The following GTF3C1 variants were observed in gnomAD, a reference collection of about 807,000 sequenced individuals.
GTF3C1 encodes the protein general transcription factor IIIC subunit 1.
GTF3C1 carries 57 observed loss-of-function variants against 226.7 expected under a neutral mutation model. That is an observed-to-expected ratio of 0.25 (90% CI 0.20 to 0.31). The LOEUF (loss-of-function observed/expected upper bound fraction) is 0.31, where lower values mean the gene tolerates loss of function less well. Ranked by LOEUF, GTF3C1 falls within the 10% of genes least tolerant of loss-of-function variation. The pLI is 1.00. For missense variants in GTF3C1, 2,217 were observed against 2,776.1 expected, an observed-to-expected ratio of 0.80 and a Z score of 4.53; for synonymous variants, 1,090 against 1,084.8, an observed-to-expected ratio of 1.00 and a Z score of -0.09.
intron 19 of GTF3C1, among the ~76,000 whole-genome samples, chr16:27,490,525 A>G (rs888695308): frequency 1.2e-4 from 18 of 152,022 alleles, no homozygotes; most frequent in Admixed American, 3.3e-4. Flanking sequence ...CTTGGCCCAT[A>G]TGGTGGTGGC....
At chr16:27,479,445 C>T (rs952153279) in intron 27 of GTF3C1, among the ~76,000 whole-genome samples, 7 of 152,110 alleles carry the variant, frequency 4.6e-5, no homozygotes, top group Admixed American at 2.0e-4. Flanking sequence ...GACATTTCTT[C>T]GGTTTCTAAC....
At chr16:27,483,316 G>A (rs150174071) in intron 25 of GTF3C1, 191 bp from the exon 26 acceptor site, 288 of 679,626 alleles carry the variant, frequency 4.2e-4, no homozygotes, top group Non-Finnish European at 6.0e-4. Context: ...ACCTCAGTCA[G>A]GTCTGTTCAC....
chr16:27,491,941 C>T (rs2088238939), intron 19 of GTF3C1, among the ~76,000 whole-genome samples: 1 of 152,186 alleles, frequency 6.6e-6, no homozygotes, highest in African/African-American at 2.4e-5. Flanking sequence ...CCAACCAACA[C>T]CTAGGCCCTC....
Position 27,484,282 on chromosome 16 carries a change from A to G in GTF3C1, c.3930T>C (p.Asp1310=), listed in dbSNP as rs369723613. The part of the protein sequence containing the change: ...ILHATFEESL[D]KTSHSVGRRA... ...TTCGTCCAACGGAATGAGATGTTTT[A>G]TCCAAAGACTCTTCAAACGTGGCAT... Residue 1310 remains aspartate, a synonymous_variant, in exon 25 of 37, where the codon GAT becomes GAC. Transcript: ENST00000356183. 6.2e-7 allele frequency: 1 copy of G among 1,606,912 alleles called. No homozygotes were observed. Among genetic ancestry groups the G allele is most frequent in the African/African-American group, 1.3e-5 (1 of 74,768 alleles).
chr16:27,511,896 C>T lies in GTF3C1; in HGVS notation c.979G>A (p.Asp327Asn), dbSNP rs1480169988. 3 of 1,613,936 alleles carry T rather than the reference C, an allele frequency of 1.9e-6. No homozygotes were observed. Among genetic ancestry groups the T allele is most frequent in the South Asian group, 1.1e-5 (1 of 91,076 alleles). ...AGCTTGAGGCACCGAACCATGACGT[C>T]GGTCCCTGGCAACACAAGCACGGGT... ...CGPCKTKKGTDVMVRCLKLLK... is the reference protein window; with the variant it reads ...CGPCKTKKGTNVMVRCLKLLK... The change falls in exon 7 of 37, where the codon GAC becomes AAC. Residue 327 changes from aspartate to asparagine, a missense_variant. Asp to Asn is a conservative substitution (Grantham distance 23). This residue lies in a region of GTF3C1 where 163 missense variants were observed against 234.3 expected (regional missense o/e 0.70). Transcript: ENST00000356183.
chr16:27,506,714 G>A (rs537586275), intron 9 of GTF3C1, 133 bp downstream of exon 9: 320 of 615,478 alleles, frequency 5.2e-4, no homozygotes, highest in Middle Eastern at 3.5e-3. Context: ...TGTGGTACAA[G>A]TGACAGTGTC....
At chr16:27,491,664 C>A (rs955512919) in intron 19 of GTF3C1, among the ~76,000 whole-genome samples, 74 of 152,106 alleles carry the variant, frequency 4.9e-4, no homozygotes, top group African/African-American at 1.8e-3. Flanking sequence ...GCCAAGTCAC[C>A]AGCACATCTG....
Position 27,511,730 on chromosome 16 carries a change from G to A in GTF3C1, c.1126+19C>T. On this transcript the variant is annotated intron_variant, in intron 7 of 36. Coordinates refer to ENST00000356183, the MANE Select transcript of GTF3C1 (RefSeq NM_001520.4). The stretch of plus-strand genomic sequence containing the variant: ...ATTCTCGGGATCCATATCCAAGCTG[G>A]CATGGGAACAAGACTTACTGAGGTC... 6.2e-7 allele frequency: 1 copy of A among 1,611,914 alleles called. No homozygotes were observed. Among genetic ancestry groups the A allele is most frequent in the Non-Finnish European group, 8.5e-7 (1 of 1,178,532 alleles).
chr16:27,506,995 A>C lies in GTF3C1; in HGVS notation c.1404T>G (p.Pro468=). Residue 468 remains proline (P), a synonymous_variant, in exon 9 of 37, where the codon CCT becomes CCG. Coordinates refer to ENST00000356183, the MANE Select transcript of GTF3C1 (RefSeq NM_001520.4). ...LASMQEESLL[P]EGEDTFLSES... is the part of the protein sequence containing the mutation. The stretch of plus-strand genomic sequence containing the variant: ...CAGAGAGGAAGGTGTCCTCGCCTTC[A>C]GGCAGAAGCGACTCCTCCTGCATAG... 6.2e-7 allele frequency: 1 copy of C among 1,613,728 alleles called. No individual in the cohort carries two copies. Among genetic ancestry groups the C allele is most frequent in the Non-Finnish European group, 8.5e-7 (1 of 1,179,902 alleles).
At chr16:27,474,343 G>A (rs980689956) in intron 29 of GTF3C1, among the ~76,000 whole-genome samples, 3 of 152,214 alleles carry the variant, frequency 2.0e-5, no homozygotes, top group Non-Finnish European at 2.9e-5. Context: ...AACTGGAACT[G>A]GAGGAGGAAA....
chr16:27,477,108 A>C (rs2087961887), intron 28 of GTF3C1, among the ~76,000 whole-genome samples: 1 of 152,190 alleles, frequency 6.6e-6, no homozygotes, highest in Non-Finnish European at 1.5e-5. Flanking sequence ...TTCCAACTAT[A>C]GCTGACCCTT....
At chr16:27,517,221 A>T (rs1164486680) in intron 6 of GTF3C1, among the ~76,000 whole-genome samples, 1 of 152,240 alleles carries the variant, frequency 6.6e-6, no homozygotes, top group African/African-American at 2.4e-5. Flanking sequence ...GAGTTCCACC[A>T]GCCCTGTGTG....
intron 32 of GTF3C1, among the ~76,000 whole-genome samples, chr16:27,467,501 G>A (rs1339604640): frequency 1.3e-5 from 2 of 152,214 alleles, no homozygotes; most frequent in Non-Finnish European, 2.9e-5. Flanking sequence ...TTGTTTTCAT[G>A]CCTGCTAACA....
intron 11 of GTF3C1, among the ~76,000 whole-genome samples, chr16:27,502,468 A>G (rs2141395947): frequency 6.6e-6 from 1 of 152,256 alleles, no homozygotes; most frequent in Non-Finnish European, 1.5e-5. Context: ...TTTGCGCAAA[A>G]TGCACCACGG....
Position 27,463,332 on chromosome 16 carries a change from C to T in GTF3C1, c.5924+209G>A. The T allele has an allele frequency of 1.7e-6, 1 of 602,228 alleles. No individual in the cohort carries two copies. Among genetic ancestry groups the T allele is most frequent in the Non-Finnish European group, 2.9e-6 (1 of 339,742 alleles). 37.3% of individuals were successfully genotyped at this position (602,228 alleles called of 1,614,324 possible). A position where few individuals can be genotyped will look rare whatever the true frequency, so the allele number is the denominator to read the frequency against. ...CATTCTGGAAGCGCAGCCCTCATTC[C>T]AGGCCGACCTGGGCACTGCCAGTGC... On this transcript the variant is annotated intron_variant, in intron 35 of 36. Coordinates refer to ENST00000356183, the MANE Select transcript of GTF3C1 (RefSeq NM_001520.4). The surrounding 1 kb of genome is among the most constrained non-coding windows in gnomAD (Gnocchi z 4.9).
chr16:27,519,950 A>T (rs117163953), intron 6 of GTF3C1, among the ~76,000 whole-genome samples: 9 of 152,274 alleles, frequency 5.9e-5, no homozygotes, highest in South Asian at 2.1e-4. Context: ...TACAAAAAAA[A>T]CAATTTTTTA....
rs140395908 is a variant in GTF3C1 at position 27,520,946 on chromosome 16, T to C, written c.973+7652A>G. Among the ~76,000 whole-genome samples the C allele has an allele frequency of 7.1e-3, 1,079 of 152,354 alleles. 34 individuals carry two copies. The East Asian group carries it at 0.096, about 14-fold the overall frequency. ...GTTGGCCAGGCTGATCTTGAACTCC[T>C]GACCTCAAGTGATCCACCCACCTGG... On this transcript the variant is annotated intron_variant, in intron 6 of 36. Transcript: ENST00000356183.
At chr16:27,521,633 TCA>T (rs1301615171) in intron 6 of GTF3C1, among the ~76,000 whole-genome samples, 2 of 152,262 alleles carry the variant, frequency 1.3e-5, no homozygotes, top group Non-Finnish European at 2.9e-5. Context: ...GCCCACAAAT[TCA>T]CACCTTTGGG....
At position 27,488,574 on chromosome 16, in the gene GTF3C1, G is replaced by A. The variant is rs2088179603; in HGVS notation, c.3491C>T (p.Pro1164Leu). The change falls in exon 22 of 37, where the codon CCA becomes CTA. Residue 1164 changes from proline to leucine, a missense_variant. By Grantham distance (98) the Pro-to-Leu change is moderately conservative. Around this residue, in one of 12 missense-constraint regions of GTF3C1, gnomAD observed 546 missense variants for 663.0 expected, o/e 0.82. Transcript: ENST00000356183. ...VRLQTFLSKR[P>L]MPLSARGNSR... Reference sequence around the variant, plus strand: ...CGTACCTCTGGCACTGAGGGGCATTGGGCGCTTGGACAGAAATGTCTGGAG... The same window carrying A: ...CGTACCTCTGGCACTGAGGGGCATTAGGCGCTTGGACAGAAATGTCTGGAG... 1.2e-6 allele frequency: 2 copies of A among 1,613,946 alleles called. No individual in the cohort carries two copies. Among genetic ancestry groups the A allele is most frequent in the African/African-American group, 1.3e-5 (1 of 75,058 alleles).
Sources: gnomAD v4.1 joint callset for allele counts (sites outside exome capture counted in the v4.1 genomes callset) on GRCh38, gnomAD v4.1.1 for gene constraint, gnomAD v4.1.1 regional missense constraint, Gnocchi (gnomAD v3.1) non-coding constraint, MANE v1.5 for transcripts, NCBI Gene and HGNC (gene_info 2026-07-23, HGNC 2026-07-21) for gene names.